The following TLR7 variants were observed in gnomAD, a reference collection of about 807,000 sequenced individuals.
TLR7 encodes toll-like receptor 7.
Under a neutral mutation model 38.3 loss-of-function variants are expected in TLR7, and 12 were observed. The observed-to-expected ratio is 0.31, with a 90% CI of 0.20 to 0.51. The LOEUF (loss-of-function observed/expected upper bound fraction) is 0.51, where lower values mean the gene tolerates loss of function less well. Among genes scored for constraint, TLR7 ranks in the 20% least tolerant of loss-of-function variants. The probability of loss-of-function intolerance (pLI) is 0.98; values close to 1 mark genes in which losing one functional copy is unlikely to be tolerated. For synonymous variants in TLR7, 285 were observed against 293.8 expected (o/e 0.97, Z 0.31); for missense variants, 504 against 743.4 (o/e 0.68, Z 3.74).
At chrX:12,877,178 T>C (rs1047898185) in intron 2 of TLR7, among the ~76,000 whole-genome samples, 1 of 111,948 alleles carries the variant, frequency 8.9e-6, no homozygotes, top group Non-Finnish European at 1.9e-5. Flanking sequence ...CTTTTGGGTA[T>C]ACTTTCTCTT....
Position 12,888,067 on chromosome X carries a change from C to G in TLR7, c.2559C>G (p.Leu853=), listed in dbSNP as rs763261200. 7 of 1,209,740 alleles carry G rather than the reference C, an allele frequency of 5.8e-6. No individual in the cohort carries two copies. Among genetic ancestry groups the G allele is most frequent in the Non-Finnish European group, 7.8e-6 (7 of 894,887 alleles). ...TTTCCATATCTGTATCTCTCTTTCT[C>G]ATGGTGATGATGACAGCAAGTCACC... ...FSLSISVSLF[L]MVMMTASHLY... is the part of the protein sequence containing the mutation. Residue 853 remains leucine, a synonymous_variant, in exon 3 of 3, where the codon CTC becomes CTG. Coordinates refer to ENST00000380659, the MANE Select transcript of TLR7 (RefSeq NM_016562.4).
At chrX:12,868,567 A>G (rs919984143) in intron 2 of TLR7, among the ~76,000 whole-genome samples, 4 of 111,849 alleles carry the variant, frequency 3.6e-5, no homozygotes, top group African/African-American at 9.7e-5. Flanking sequence ...TGAAATAGGC[A>G]TTAGAATCCC....
At chrX:12,876,341 G>A (rs2042870541) in intron 2 of TLR7, among the ~76,000 whole-genome samples, 1 of 112,026 alleles carries the variant, frequency 8.9e-6, no homozygotes, top group South Asian at 3.7e-4. Context: ...GCACAAAATA[G>A]AAACATTAGA....
chrX:12,881,322 T>C (rs1370230558), intron 2 of TLR7, among the ~76,000 whole-genome samples: 1 of 108,134 alleles, frequency 9.2e-6, no homozygotes, highest in Admixed American at 9.9e-5. Flanking sequence ...ATTGCAAACA[T>C]AATATGATCT....
rs2042918421 is a variant in TLR7 at position 12,888,292 on chromosome X, C to T, written c.2784C>T (p.Leu928=). The change falls in exon 3 of 3, where the codon CTC becomes CTT. Residue 928 remains leucine (L), a synonymous_variant. Transcript: ENST00000380659. ...GAGAGAAACATTTTAATTTATGTCT[C>T]GAGGAAAGGGACTGGTTACCAGGGC... The part of the protein sequence containing the change: ...DPREKHFNLC[L]EERDWLPGQP... 2 of 1,211,363 alleles carry T rather than the reference C, an allele frequency of 1.7e-6. No homozygotes were observed. The highest frequency in any genetic ancestry group is 1.8e-5 in the South Asian group (1 of 56,935).
chrX:12,877,422 G>T (rs765838397), intron 2 of TLR7: 27 of 107,269 alleles, frequency 2.5e-4, no homozygotes, highest in Non-Finnish European at 5.0e-4. Flanking sequence ...TGCTTGATCA[G>T]AGCCCAACTT....
rs5743717 is a variant in TLR7 at position 12,868,140 on chromosome X, A to G, written c.3+559A>G. ...TCAATTCCAAATACAGCCAAAGACCAGTAAAGATTTCTGGCCAAGGAGTAG... is the reference window on the plus strand; with the variant it reads ...TCAATTCCAAATACAGCCAAAGACCGGTAAAGATTTCTGGCCAAGGAGTAG... On this transcript the variant is annotated intron_variant, in intron 2 of 2. Transcript: ENST00000380659. Among the ~76,000 whole-genome samples the G allele has an allele frequency of 9.6e-3, 1,080 of 112,434 alleles. 16 individuals are homozygous for G. Among genetic ancestry groups the G allele is most frequent in the African/African-American group, 0.033 (1,036 of 30,948 alleles).
intron 1 of TLR7, 97 bp from the exon 2 acceptor site, chrX:12,867,384 T>G (rs968753046): frequency 4.8e-5 from 18 of 377,932 alleles, no homozygotes; most frequent in African/African-American, 4.6e-4. Flanking sequence ...AATAGATGTT[T>G]CAAACGCATT....
chrX:12,868,347 G>T (rs964573149), intron 2 of TLR7, among the ~76,000 whole-genome samples: 9 of 111,927 alleles, frequency 8.0e-5, no homozygotes, highest in Non-Finnish European at 1.3e-4. Context: ...AAGAGGAGTG[G>T]ATTATCAATA....
At chrX:12,883,481 A>G (rs1485740448) in intron 2 of TLR7, among the ~76,000 whole-genome samples, 1 of 111,875 alleles carries the variant, frequency 8.9e-6, no homozygotes, top group African/African-American at 3.3e-5. Context: ...AAGACTTTGG[A>G]TGCCATGATA....
intron 2 of TLR7, among the ~76,000 whole-genome samples, chrX:12,870,277 C>T (rs2042847886): frequency 8.9e-6 from 1 of 111,783 alleles, no homozygotes; most frequent in African/African-American, 3.3e-5. Context: ...TTGGCTGTTA[C>T]TAGAATGCTT....
At chrX:12,867,671 T>C in intron 2 of TLR7, 90 bp downstream of exon 2, 2 of 938,730 alleles carry the variant, frequency 2.1e-6, no homozygotes, top group Non-Finnish European at 3.1e-6. Flanking sequence ...TATTGAAGAA[T>C]CTGTACTTAG....
intron 2 of TLR7, among the ~76,000 whole-genome samples, chrX:12,868,692 A>C (rs1204439069): frequency 3.6e-5 from 4 of 111,671 alleles, no homozygotes; most frequent in African/African-American, 9.8e-5. Flanking sequence ...ACTTAGTCGG[A>C]AAAAGACGTC....
chrX:12,875,561 G>A (rs754724285), intron 2 of TLR7, among the ~76,000 whole-genome samples: 5 of 112,007 alleles, frequency 4.5e-5, no homozygotes, highest in Admixed American at 1.9e-4. Context: ...TAATCCCCAC[G>A]TGTTGTGGGA....
chrX:12,883,337 G>A (rs2042898878), intron 2 of TLR7, among the ~76,000 whole-genome samples: 1 of 111,798 alleles, frequency 8.9e-6, no homozygotes, highest in Admixed American at 9.5e-5. Context: ...GAAATCTGGT[G>A]GGTGAAAATG....
Position 12,886,854 on chromosome X carries a change from G to C in TLR7, c.1346G>C (p.Arg449Thr), listed in dbSNP as rs767598310. ...SSEVGFCSNARTSVESYEPQV... is the reference protein window; with the variant it reads ...SSEVGFCSNATTSVESYEPQV... The stretch of plus-strand genomic sequence containing the variant: ...GAAGTTGGCTTCTGCTCAAATGCCA[G>C]AACTTCTGTAGAAAGTTATGAACCC... Residue 449 changes from arginine (R) to threonine (T), a missense_variant, in exon 3 of 3, where the codon AGA becomes ACA. Coordinates refer to ENST00000380659, the MANE Select transcript of TLR7 (RefSeq NM_016562.4). The C allele has an allele frequency of 2.5e-6, 3 of 1,210,190 alleles. No homozygotes were observed. In the Admixed American group the frequency reaches 6.5e-5, roughly 26 times the overall value.
chrX:12,889,877 T>C lies in TLR7; in HGVS notation c.*1219T>C, dbSNP rs5743786. The C allele has an allele frequency of 4.4e-5, 5 of 112,958 alleles. No homozygotes were observed. The highest frequency in any genetic ancestry group is 9.4e-5 in the Non-Finnish European group (5 of 53,398). 9.3% of individuals were successfully genotyped at this position (112,958 alleles called of 1,213,427 possible). A position where few individuals can be genotyped will look rare whatever the true frequency, so the allele number is the denominator to read the frequency against. ...GACTCCAAGAGTGTGTATTTATTTA[T>C]AGTTTTATCAGAGATGACAATTATT... On this transcript the variant is annotated 3_prime_UTR_variant, in exon 3 of 3. Coordinates refer to ENST00000380659, the MANE Select transcript of TLR7 (RefSeq NM_016562.4).
chrX:12,880,749 G>C (rs1002463320), intron 2 of TLR7, among the ~76,000 whole-genome samples: 1 of 111,581 alleles, frequency 9.0e-6, no homozygotes, highest in Non-Finnish European at 1.9e-5. Context: ...GACCACAAGA[G>C]GCCCTACCCT....
intron 1 of TLR7, 65 bp from the exon 2 acceptor site, chrX:12,867,416 G>A (rs1209194000): frequency 4.6e-6 from 2 of 435,150 alleles, no homozygotes; most frequent in African/African-American, 5.0e-5. Flanking sequence ...ATCCTAGCAT[G>A]TCTTTAAGCT....
Sources: gnomAD v4.1 joint callset for allele counts (sites outside exome capture counted in the v4.1 genomes callset) on GRCh38, gnomAD v4.1.1 for gene constraint, MANE v1.5 for transcripts, NCBI Gene and HGNC (gene_info 2026-07-23, HGNC 2026-07-21) for gene names.